Variants in IP6K3 observed in about 807,000 individuals in gnomAD.
The protein encoded by IP6K3 is ATP:1D-myo-inositol-hexakisphosphate phosphotransferase.
Under a neutral mutation model 28.8 loss-of-function variants are expected in IP6K3, and 20 were observed. The ratio of observed to expected loss-of-function variants is 0.70; its 90% CI spans 0.49 to 1.01. IP6K3 has a LOEUF of 1.01. Ranked by LOEUF, IP6K3 falls within the 50% of genes least tolerant of loss-of-function variation. IP6K3 has a pLI of 0.00. For synonymous variants in IP6K3, 213 were observed against 221.3 expected, an observed-to-expected ratio of 0.96 and a Z score of 0.33; for missense variants, 480 against 537.1, an observed-to-expected ratio of 0.89 and a Z score of 1.05.
intron 3 of IP6K3, 24 bp downstream of exon 3, chr6:33,728,063 T>C (rs771755123): frequency 3.9e-5 from 63 of 1,595,432 alleles, no homozygotes; most frequent in Non-Finnish European, 5.1e-5. Context: ...ACAGGGTTTC[T>C]GTCATCCTGC....
the IP6K3 span, among the ~76,000 whole-genome samples, chr6:33,758,111 C>G: frequency 6.6e-6 from 1 of 152,122 alleles, no homozygotes; most frequent in Non-Finnish European, 1.5e-5. Flanking sequence ...AGGGAAGGTG[C>G]CGCCAAAGGA....
chr6:33,725,121 C>T (rs918994809), intron 5 of IP6K3, among the ~76,000 whole-genome samples: 10 of 149,762 alleles, frequency 6.7e-5, no homozygotes, highest in African/African-American at 1.7e-4. Flanking sequence ...CCCAGCTACT[C>T]GGGAGGCTGA....
At position 33,735,600 on chromosome 6, in the gene IP6K3, T is replaced by C. The variant is rs1766496842; in HGVS notation, c.-124A>G. The C allele has an allele frequency of 6.7e-7, 1 of 1,488,054 alleles. No individual in the cohort carries two copies. The highest frequency in any genetic ancestry group is 1.4e-5 in the African/African-American group (1 of 71,300). The allele number at this position is 1,488,054 out of a possible 1,614,324, so 92.2% of individuals were successfully genotyped here. On this transcript the variant is annotated 5_prime_UTR_variant, in exon 2 of 6. Coordinates refer to ENST00000293756, the MANE Select transcript of IP6K3 (RefSeq NM_054111.5). ...GTCCTCAACTTTCTCCTTCTTGGCC[T>C]TTATTGCTGTCATAGCGCAGTTGTC...
the IP6K3 span, among the ~76,000 whole-genome samples, chr6:33,752,382 C>T: frequency 2.0e-4 from 31 of 152,352 alleles, no homozygotes; most frequent in Non-Finnish European, 2.6e-4. Context: ...TGCCACCTGC[C>T]TTCCAGGCAC....
Position 33,742,323 on chromosome 6 carries a change from G to T in IP6K3, c.-180+4435C>A, listed in dbSNP as rs1217775739. 6.6e-6 allele frequency among the ~76,000 whole-genome samples: 1 copy of T among 152,148 alleles called. No individual in the cohort carries two copies. Among genetic ancestry groups the T allele is most frequent in the African/African-American group, 2.4e-5 (1 of 41,438 alleles). ...GTCTCTGGGAGTCTCGGAGACCCAGGACCAAGACCCAAGTCAGGCTCTTAG... is the reference window on the plus strand; with the variant it reads ...GTCTCTGGGAGTCTCGGAGACCCAGTACCAAGACCCAAGTCAGGCTCTTAG... On this transcript the variant is annotated intron_variant, in intron 1 of 5. Transcript: ENST00000293756. The surrounding 1 kb of genome is among the most constrained non-coding windows in gnomAD (Gnocchi z 4.5).
chr6:33,737,683 T>C (rs570089550), intron 1 of IP6K3, among the ~76,000 whole-genome samples: 10 of 152,274 alleles, frequency 6.6e-5, no homozygotes, highest in African/African-American at 2.2e-4. Flanking sequence ...CAGAAGTGCC[T>C]CTATAGGAGG....
the IP6K3 span, among the ~76,000 whole-genome samples, chr6:33,758,771 G>A: frequency 1.3e-5 from 2 of 152,092 alleles, no homozygotes; most frequent in Non-Finnish European, 2.9e-5. Context: ...GCTACTTTTT[G>A]TGTTTTTAGT....
rs1374383693 is a variant in IP6K3 at position 33,742,249 on chromosome 6, C to T, written c.-180+4509G>A. 6.6e-6 allele frequency among the ~76,000 whole-genome samples: 1 copy of T among 152,114 alleles called. No individual in the cohort carries two copies. Among genetic ancestry groups the T allele is most frequent in the East Asian group, 1.9e-4 (1 of 5,174 alleles). On this transcript the variant is annotated intron_variant, in intron 1 of 5. Transcript: ENST00000293756. This position sits in a 1 kb window ranked among gnomAD's most constrained non-coding sequence, Gnocchi z 4.5. ...ACTCTGAAGTCGACGCCCATTCTGA[C>T]CACGTGCAGTCTGCTTGGACGGGGA...
At chr6:33,751,597 G>A (rs1265456974), upstream of IP6K3, among the ~76,000 whole-genome samples, 4 of 151,684 alleles carry the variant, frequency 2.6e-5, no homozygotes, top group South Asian at 6.3e-4. This position sits in a 1 kb window ranked among gnomAD's most constrained non-coding sequence, Gnocchi z 4.3. Flanking sequence ...CAGGTTAGGG[G>A]CAGAGGGCCG....
chr6:33,751,519 T>TGTGTGTGTGTGTGTG (rs36009611), upstream of IP6K3, among the ~76,000 whole-genome samples: 2 of 89,062 alleles, frequency 2.2e-5, no homozygotes, highest in African/African-American at 7.9e-5. The surrounding 1 kb of genome is among the most constrained non-coding windows in gnomAD (Gnocchi z 4.3). Flanking sequence ...TGTGTGTGTG[T>TGTGTGTGTGTGTGTG]TTGGCCCCGG....
chr6:33,733,211 C>A (rs1247560677), intron 2 of IP6K3, among the ~76,000 whole-genome samples: 1 of 152,252 alleles, frequency 6.6e-6, no homozygotes, highest in Non-Finnish European at 1.5e-5. Flanking sequence ...GCTGAGGCAT[C>A]CCCTGTAGCT....
chr6:33,737,579 G>A (rs1427008862), intron 1 of IP6K3, among the ~76,000 whole-genome samples: 1 of 152,204 alleles, frequency 6.6e-6, no homozygotes, highest in East Asian at 1.9e-4. Context: ...CCAGCCGCCC[G>A]GACCTCCAGC....
At chr6:33,732,997 T>C (rs1034225039) in intron 2 of IP6K3, among the ~76,000 whole-genome samples, 1 of 152,246 alleles carries the variant, frequency 6.6e-6, no homozygotes, top group African/African-American at 2.4e-5. Flanking sequence ...GCAGTGGCCC[T>C]GTGTGAGTCG....
At chr6:33,741,809 G>A (rs1330846434) in intron 1 of IP6K3, among the ~76,000 whole-genome samples, 1 of 151,612 alleles carries the variant, frequency 6.6e-6, no homozygotes, top group African/African-American at 2.4e-5. Context: ...AAATTAGCAG[G>A]GCGTGGTGAC....
intron 2 of IP6K3, among the ~76,000 whole-genome samples, chr6:33,728,967 T>A (rs995121237): frequency 1.3e-4 from 20 of 152,224 alleles, no homozygotes; most frequent in African/African-American, 4.8e-4. Flanking sequence ...AGATTATTGG[T>A]GGAACATGGT....
At chr6:33,743,735 T>G (rs1181834624) in intron 1 of IP6K3, among the ~76,000 whole-genome samples, 1 of 152,174 alleles carries the variant, frequency 6.6e-6, no homozygotes, top group South Asian at 2.1e-4. Context: ...GGCTGAAATA[T>G]GTGGCTTAGG....
chr6:33,727,186 G>C (rs1308189724), intron 3 of IP6K3, among the ~76,000 whole-genome samples: 1 of 152,208 alleles, frequency 6.6e-6, no homozygotes, highest in Non-Finnish European at 1.5e-5. Context: ...TCACTTGTAA[G>C]TGATCTGGAT....
chr6:33,745,132 C>T (rs1766860650), intron 1 of IP6K3, among the ~76,000 whole-genome samples: 1 of 152,274 alleles, frequency 6.6e-6, no homozygotes, highest in South Asian at 2.1e-4. Context: ...CCAGCCAGTG[C>T]ACGTGCTTTC....
chr6:33,752,760 C>T, the IP6K3 span, among the ~76,000 whole-genome samples: 2 of 152,144 alleles, frequency 1.3e-5, no homozygotes, highest in African/African-American at 4.8e-5. Context: ...TTCACTCTGC[C>T]ATTTCCTGGT....
Sources: gnomAD v4.1 joint callset for allele counts (sites outside exome capture counted in the v4.1 genomes callset) on GRCh38, gnomAD v4.1.1 for gene constraint, Gnocchi (gnomAD v3.1) non-coding constraint, MANE v1.5 for transcripts, NCBI Gene and HGNC (gene_info 2026-07-23, HGNC 2026-07-21) for gene names.